Variants in SYPL1 observed in about 807,000 individuals in gnomAD.
SYPL1 encodes the protein synaptophysin-like protein 1.
SYPL1 carries 6 observed loss-of-function variants against 23.7 expected under a neutral mutation model. That is an observed-to-expected ratio of 0.25 (90% CI 0.14 to 0.50). The LOEUF (loss-of-function observed/expected upper bound fraction) is 0.50, where lower values mean the gene tolerates loss of function less well. Ranked by LOEUF, SYPL1 falls within the 20% of genes least tolerant of loss-of-function variation. SYPL1 has a pLI of 0.98. For synonymous variants in SYPL1, 102 were observed against 104.5 expected (o/e 0.98, Z 0.15); for missense variants, 253 against 288.9 (o/e 0.88, Z 0.90).
intron 1 of SYPL1, among the ~76,000 whole-genome samples, chr7:106,108,279 A>G (rs1840718174): frequency 6.6e-6 from 1 of 152,184 alleles, no homozygotes; most frequent in South Asian, 2.1e-4. Context: ...GAGTGAATCA[A>G]TATCCTGATT....
rs1840043879 is a variant in SYPL1, at chr7:106,096,907, A to C, written c.402+783T>G. On this transcript the variant is annotated intron_variant, in intron 3 of 4. Transcript: ENST00000455385. The surrounding 1 kb of genome is among the most constrained non-coding windows in gnomAD (Gnocchi z 4.4). ...AAATGATTGTGTATGGCTGAGTTCCAAAAAAAACCTTTATTTAAAAAAACA... is the reference window on the plus strand; with the variant it reads ...AAATGATTGTGTATGGCTGAGTTCCCAAAAAAACCTTTATTTAAAAAAACA... Among the ~76,000 whole-genome samples, 1 of 152,054 alleles carries C rather than the reference A, an allele frequency of 6.6e-6. No homozygotes were observed.
intron 1 of SYPL1, among the ~76,000 whole-genome samples, chr7:106,106,962 T>G (rs1388222266): frequency 1.3e-5 from 2 of 152,254 alleles, no homozygotes; most frequent in Non-Finnish European, 1.5e-5. Context: ...TTTATGAGTG[T>G]TGTTTACACG....
chr7:106,094,420 G>A (rs962073689), intron 3 of SYPL1, among the ~76,000 whole-genome samples: 6 of 152,206 alleles, frequency 3.9e-5, no homozygotes, highest in Non-Finnish European at 7.3e-5. Flanking sequence ...TAGGATTAGA[G>A]AACCAAAAAT....
At chr7:106,112,377 T>C (rs1790217040), upstream of SYPL1, 13 of 1,271,452 alleles carry the variant, frequency 1.0e-5, no homozygotes, top group Non-Finnish European at 1.3e-5. Context: ...CGGCGGCGGT[T>C]GAGCTGCTGG....
rs991529448 is a variant in SYPL1 at position 106,099,416 on chromosome 7, GAC to G, written c.70-136_70-135del. Reference sequence around the variant, plus strand: ...AACATTCTAGAAATTCTTTTTTTGAGACAGGGTTTCTGTCGCCCAGACTGGAG... The same window carrying G: ...AACATTCTAGAAATTCTTTTTTTGAGAGGGTTTCTGTCGCCCAGACTGGAG... On this transcript the variant is annotated intron_variant, in intron 1 of 4. Coordinates refer to ENST00000455385, the MANE Select transcript of SYPL1 (RefSeq NM_182715.4). 2.6e-6 allele frequency: 3 copies of G among 1,139,120 alleles called. No individual in the cohort carries two copies. The African/African-American group carries it at 4.7e-5, about 18-fold the overall frequency. The allele number at this position is 1,139,120 out of a possible 1,614,324, so 70.6% of individuals were successfully genotyped here.
chr7:106,096,337 G>A lies in SYPL1; in HGVS notation c.402+1353C>T, dbSNP rs1437494652. 1.3e-5 allele frequency: 2 copies of A among 152,128 alleles called. No homozygotes were observed. The highest frequency in any genetic ancestry group is 2.4e-5 in the African/African-American group (1 of 41,432). The allele number at this position is 152,128 out of a possible 1,614,324, so 9.4% of individuals were successfully genotyped here. ...CAGCAGCAAAATTAAAAATAAATAT[G>A]TAAATAAAACTTGTAATGTTATTTA... On this transcript the variant is annotated intron_variant, in intron 3 of 4. Coordinates refer to ENST00000455385, the MANE Select transcript of SYPL1 (RefSeq NM_182715.4). This position sits in a 1 kb window ranked among gnomAD's most constrained non-coding sequence, Gnocchi z 4.4.
rs2116110817 is a variant in SYPL1 at position 106,097,568 on chromosome 7, C to T, written c.402+122G>A. 5 of 860,508 alleles carry T rather than the reference C, an allele frequency of 5.8e-6. No individual in the cohort carries two copies. In the East Asian group the frequency reaches 1.4e-4, roughly 24 times the overall value. The allele number at this position is 860,508 out of a possible 1,614,324, so 53.3% of individuals were successfully genotyped here. A position where few individuals can be genotyped will look rare whatever the true frequency, so the allele number is the denominator to read the frequency against. On this transcript the variant is annotated intron_variant, in intron 3 of 4. Transcript: ENST00000455385. The surrounding 1 kb of genome is among the most constrained non-coding windows in gnomAD (Gnocchi z 4.6). ...AATGGGAGAAAGCTCAACCTCGTGG[C>T]AAACACAGGCTAAAATATGCTGAAC...
chr7:106,092,126 TTA>T (rs1385442126), intron 4 of SYPL1, among the ~76,000 whole-genome samples, 187 bp from the exon 5 acceptor site: 1 of 152,216 alleles, frequency 6.6e-6, no homozygotes, highest in Non-Finnish European at 1.5e-5. Context: ...CAAAATGTGG[TTA>T]TATAATGACT....
At chr7:106,112,549 C>G (rs762611278), upstream of SYPL1, 6 of 1,502,010 alleles carry the variant, frequency 4.0e-6, no homozygotes, top group South Asian at 2.6e-5. Flanking sequence ...GCCGCGCCCC[C>G]TTCCCTGCGG....
intron 1 of SYPL1, among the ~76,000 whole-genome samples, chr7:106,106,972 G>A (rs1324068771): frequency 6.6e-6 from 1 of 152,184 alleles, no homozygotes; most frequent in East Asian, 1.9e-4. Context: ...TTGTTTACAC[G>A]TTTCTAGTTG....
rs1839678712 is a variant in SYPL1 at position 106,090,577 on chromosome 7, A to C, written c.*1228T>G. 1 of 152,676 alleles carries C rather than the reference A, an allele frequency of 6.5e-6. No individual in the cohort carries two copies. Among genetic ancestry groups the C allele is most frequent in the African/African-American group, 2.4e-5 (1 of 41,468 alleles). 9.5% of individuals were successfully genotyped at this position (152,676 alleles called of 1,614,324 possible). A position where few individuals can be genotyped will look rare whatever the true frequency, so the allele number is the denominator to read the frequency against. ...CTTATATTGACAATTCTTGTCATGA[A>C]TAAAAGCATCAAAAATAAGGCAACA... On this transcript the variant is annotated 3_prime_UTR_variant, in exon 5 of 5. Coordinates refer to ENST00000455385, the MANE Select transcript of SYPL1 (RefSeq NM_182715.4).
intron 3 of SYPL1, among the ~76,000 whole-genome samples, chr7:106,094,199 A>C (rs1332675185): frequency 6.6e-6 from 1 of 152,190 alleles, no homozygotes; most frequent in African/African-American, 2.4e-5. Flanking sequence ...AAACCCAATT[A>C]GTTTTTAATT....
At position 106,099,250 on chromosome 7, in the gene SYPL1, T is replaced by G; in HGVS notation, c.102A>C (p.Gly34=). The change falls in exon 2 of 5, where the codon GGA becomes GGC. Residue 34 remains glycine, a synonymous_variant. Coordinates refer to ENST00000455385, the MANE Select transcript of SYPL1 (RefSeq NM_182715.4). ...IASIFAFATC[G]GFKGQTEIQV... ...GAATTTCTGTTTGGCCCTTAAAACC[T>G]CCACAGGTGGCAAAAGCAAAGATAG... 3 of 1,613,300 alleles carry G rather than the reference T, an allele frequency of 1.9e-6. No individual in the cohort carries two copies. Among genetic ancestry groups the G allele is most frequent in the Non-Finnish European group, 2.5e-6 (3 of 1,179,870 alleles).
rs141472115 is a variant in SYPL1, at chr7:106,104,782, G to A, written c.70-5500C>T. On this transcript the variant is annotated intron_variant, in intron 1 of 4. Coordinates refer to ENST00000455385, the MANE Select transcript of SYPL1 (RefSeq NM_182715.4). This position sits in a 1 kb window ranked among gnomAD's most constrained non-coding sequence, Gnocchi z 4.1. ...TATATTAAACAAAGTACAAAATTAT[G>A]AGGGCAAAATATCCAACTATCTCAC... Among the ~76,000 whole-genome samples, 615 of 152,238 alleles carry A rather than the reference G, an allele frequency of 4.0e-3. 5 individuals carry two copies. Among genetic ancestry groups the A allele is most frequent in the African/African-American group, 0.014 (591 of 41,532 alleles).
rs1366310914 is a variant in SYPL1, at chr7:106,100,983, G to A, written c.70-1701C>T. Among the ~76,000 whole-genome samples the A allele has an allele frequency of 6.6e-6, 1 of 151,976 alleles. No homozygotes were observed. Among genetic ancestry groups the A allele is most frequent in the East Asian group, 1.9e-4 (1 of 5,190 alleles). Reference sequence around the variant, plus strand: ...TTCCATGCGATACCTTTAATGACACGGGATAAACTCTTCCTTCAGGACCTT... The same window carrying A: ...TTCCATGCGATACCTTTAATGACACAGGATAAACTCTTCCTTCAGGACCTT... On this transcript the variant is annotated intron_variant, in intron 1 of 4. Coordinates refer to ENST00000455385, the MANE Select transcript of SYPL1 (RefSeq NM_182715.4). The surrounding 1 kb of genome is among the most constrained non-coding windows in gnomAD (Gnocchi z 5.1).
In SYPL1 at chr7:106,090,657, C is replaced by G. The variant is rs753003349; in HGVS notation, c.*1148G>C. The stretch of plus-strand genomic sequence containing the variant: ...TGTTGTAAGAATAAGAAACCTGAAT[C>G]CCTGTACAACAAAAAGATTAGGAAG... On this transcript the variant is annotated 3_prime_UTR_variant, in exon 5 of 5. Transcript: ENST00000455385. 1 of 152,606 alleles carries G rather than the reference C, an allele frequency of 6.6e-6. No individual in the cohort carries two copies. The highest frequency in any genetic ancestry group is 1.5e-5 in the Non-Finnish European group (1 of 68,024). 9.5% of individuals were successfully genotyped at this position (152,606 alleles called of 1,614,324 possible). A position where few individuals can be genotyped will look rare whatever the true frequency, so the allele number is the denominator to read the frequency against.
At chr7:106,112,357 C>A, upstream of SYPL1, 2 of 715,270 alleles carry the variant, frequency 2.8e-6, no homozygotes, top group Non-Finnish European at 3.5e-6. Context: ...TGGGGCGGGG[C>A]GGGGCGGAGC....
At position 106,109,229 on chromosome 7, in the gene SYPL1, T is replaced by C. The variant is rs1790019470; in HGVS notation, c.69+2911A>G. 6.6e-6 allele frequency among the ~76,000 whole-genome samples: 1 copy of C among 152,238 alleles called. No homozygotes were observed. Among genetic ancestry groups the C allele is most frequent in the Non-Finnish European group, 1.5e-5 (1 of 68,032 alleles). ...AGAATGCATTTAAGCAACTGAGTTG[T>C]AAGCTGAACTAGTGGCTTTTTTTTG... On this transcript the variant is annotated intron_variant, in intron 1 of 4. Coordinates refer to ENST00000455385, the MANE Select transcript of SYPL1 (RefSeq NM_182715.4). This position sits in a 1 kb window ranked among gnomAD's most constrained non-coding sequence, Gnocchi z 4.3.
At chr7:106,098,368 A>T (rs1403580418) in intron 2 of SYPL1, among the ~76,000 whole-genome samples, 6 of 152,312 alleles carry the variant, frequency 3.9e-5, no homozygotes, top group Non-Finnish European at 2.9e-5. Flanking sequence ...GTCACTAAAG[A>T]TGCTGTAACA....
Sources: gnomAD v4.1 joint callset for allele counts (sites outside exome capture counted in the v4.1 genomes callset) on GRCh38, gnomAD v4.1.1 for gene constraint, Gnocchi (gnomAD v3.1) non-coding constraint, MANE v1.5 for transcripts, NCBI Gene and HGNC (gene_info 2026-07-23, HGNC 2026-07-21) for gene names.